Variants in CSMD1 observed in about 807,000 individuals in gnomAD.
CSMD1 encodes CUB and sushi domain-containing protein 1.
In CSMD1, 213 loss-of-function variants were observed where a neutral mutation model predicts 417.5. That is an observed-to-expected ratio of 0.51 (90% CI 0.46 to 0.57). The LOEUF (loss-of-function observed/expected upper bound fraction) is 0.57, where lower values mean the gene tolerates loss of function less well. Among genes scored for constraint, CSMD1 ranks in the 20% least tolerant of loss-of-function variants. The probability of loss-of-function intolerance (pLI) is 0.00; values close to 1 mark genes in which losing one functional copy is unlikely to be tolerated. For synonymous variants in CSMD1, 2,862 were observed against 1,736.8 expected (o/e 1.65, Z -16.11); for missense variants, 6,923 against 4,529.7 (o/e 1.53, Z -15.17).
intron 7 of CSMD1, among the ~76,000 whole-genome samples, chr8:3,626,856 G>T (rs917406183): frequency 1.3e-5 from 2 of 148,862 alleles, no homozygotes; most frequent in Admixed American, 6.7e-5. Context: ...ATAAATAAGT[G>T]TATTTACATA....
At chr8:4,063,654 C>T (rs1382936847) in intron 3 of CSMD1, among the ~76,000 whole-genome samples, 4 of 152,186 alleles carry the variant, frequency 2.6e-5, no homozygotes, top group Non-Finnish European at 5.9e-5. Flanking sequence ...GTGCTGCCTC[C>T]CTGAGGGGCA....
chr8:3,293,143 T>G (rs1460664798), intron 25 of CSMD1, among the ~76,000 whole-genome samples: 1 of 109,126 alleles, frequency 9.2e-6, no homozygotes, highest in Non-Finnish European at 2.4e-5. Flanking sequence ...TTAAGAATGT[T>G]GAATATTGCC....
intron 3 of CSMD1, among the ~76,000 whole-genome samples, chr8:4,173,039 G>T (rs925602910): frequency 1.3e-5 from 2 of 152,106 alleles, no homozygotes; most frequent in African/African-American, 2.4e-5. Flanking sequence ...CCCTAATATT[G>T]CAAGAAATTT....
At chr8:3,809,079 C>A (rs1365436903) in intron 5 of CSMD1, among the ~76,000 whole-genome samples, 1 of 152,154 alleles carries the variant, frequency 6.6e-6, no homozygotes, top group African/African-American at 2.4e-5. Flanking sequence ...CACGCAGCTT[C>A]TATCATATAT....
intron 6 of CSMD1, among the ~76,000 whole-genome samples, chr8:3,734,383 G>A (rs1288682015): frequency 1.3e-5 from 2 of 152,178 alleles, no homozygotes; most frequent in African/African-American, 4.8e-5. Context: ...ATTTGCTTCT[G>A]CCTGGAAGCA....
chr8:3,772,448 C>T lies in CSMD1; in HGVS notation c.819-18406G>A, dbSNP rs1298336440. Among the ~76,000 whole-genome samples, 325 of 83,390 alleles carry T rather than the reference C, an allele frequency of 3.9e-3. 52 individuals carry two copies. The highest frequency in any genetic ancestry group is 4.5e-3 in the Non-Finnish European group (207 of 46,150). 54.7% of individuals were successfully genotyped at this position (83,390 alleles called of 152,430 possible). ...ACATATATACATACATTTATATATA[C>T]ACATATATATACATATATACACATA... On this transcript the variant is annotated intron_variant, in intron 5 of 69. Coordinates refer to ENST00000635120, the MANE Select transcript of CSMD1 (RefSeq NM_033225.6).
intron 5 of CSMD1, among the ~76,000 whole-genome samples, chr8:3,773,624 G>A (rs977069829): frequency 1.3e-5 from 2 of 152,098 alleles, no homozygotes; most frequent in Non-Finnish European, 2.9e-5. Flanking sequence ...TAAGTCCAGT[G>A]TAAACTATTT....
chr8:3,144,795 G>C (rs1396138239), intron 40 of CSMD1, among the ~76,000 whole-genome samples: 4 of 89,636 alleles, frequency 4.5e-5, no homozygotes, highest in African/African-American at 2.4e-4. Context: ...GAGGCAACAA[G>C]GGGGGGGGGG....
At chr8:3,192,771 CT>C (rs1796499105) in intron 33 of CSMD1, among the ~76,000 whole-genome samples, 1 of 151,924 alleles carries the variant, frequency 6.6e-6, no homozygotes, top group Non-Finnish European at 1.5e-5. Flanking sequence ...GAAATTTTTC[CT>C]TTGTGGAGTC....
intron 5 of CSMD1, among the ~76,000 whole-genome samples, chr8:3,876,709 A>C (rs1805849047): frequency 6.6e-6 from 1 of 152,180 alleles, no homozygotes; most frequent in African/African-American, 2.4e-5. Context: ...TCCCAGGCTC[A>C]AGCAATCCTC....
At chr8:4,179,480 A>G (rs1798235554) in intron 3 of CSMD1, among the ~76,000 whole-genome samples, 1 of 151,452 alleles carries the variant, frequency 6.6e-6, no homozygotes, top group Non-Finnish European at 1.5e-5. Flanking sequence ...AAACCCTAGA[A>G]GAAAACCTAG....
chr8:3,617,989 C>A (rs1802227640), intron 7 of CSMD1, among the ~76,000 whole-genome samples: 1 of 152,034 alleles, frequency 6.6e-6, no homozygotes, highest in Non-Finnish European at 1.5e-5. Context: ...CAACAGTAAT[C>A]ATATCAAGTT....
Position 4,297,879 on chromosome 8 carries a change from A to C in CSMD1, c.415+122074T>G, listed in dbSNP as rs1797771439. 2.0e-5 allele frequency among the ~76,000 whole-genome samples: 3 copies of C among 152,194 alleles called. No individual in the cohort carries two copies. The South Asian group carries it at 6.2e-4, about 32-fold the overall frequency. ...GGTGGTCCTGCACTTTAAAACAAGA[A>C]AATTTATCGAATGTTTTAAAAGTAT... is the stretch of plus-strand genomic sequence containing the variant. On this transcript the variant is annotated intron_variant, in intron 3 of 69. Transcript: ENST00000635120.
At chr8:4,456,895 T>A (rs921510587) in intron 2 of CSMD1, among the ~76,000 whole-genome samples, 1 of 151,542 alleles carries the variant, frequency 6.6e-6, no homozygotes, top group African/African-American at 2.4e-5. Flanking sequence ...CACACCCGTA[T>A]TTGAAGCCAG....
At chr8:3,783,885 G>C (rs145442448) in intron 5 of CSMD1, among the ~76,000 whole-genome samples, 1 of 147,702 alleles carries the variant, frequency 6.8e-6, no homozygotes, top group Non-Finnish European at 1.5e-5. Flanking sequence ...AACTAGACTC[G>C]GCCATGGTTG....
chr8:3,437,993 A>C lies in CSMD1; in HGVS notation c.1562-28388T>G, dbSNP rs373472456. On this transcript the variant is annotated intron_variant, in intron 12 of 69. Transcript: ENST00000635120. ...TGACCTCAGATGATCCGCTCACCTC[A>C]GCCTCCCAAAGTACTGATACCTATT... is the stretch of plus-strand genomic sequence containing the variant. Among the ~76,000 whole-genome samples, 8 of 152,234 alleles carry C rather than the reference A, an allele frequency of 5.3e-5. No individual in the cohort carries two copies. The East Asian group carries it at 1.6e-3, about 30-fold the overall frequency.
At chr8:4,698,107 C>A (rs1010723387) in intron 1 of CSMD1, among the ~76,000 whole-genome samples, 1 of 148,800 alleles carries the variant, frequency 6.7e-6, no homozygotes. Flanking sequence ...ATTCCCAAAT[C>A]TGTGAACACT....
intron 1 of CSMD1, among the ~76,000 whole-genome samples, chr8:4,979,840 A>G (rs1388021591): frequency 1.3e-5 from 2 of 152,136 alleles, no homozygotes; most frequent in East Asian, 1.9e-4. Flanking sequence ...GATCTAGATC[A>G]TCCTGGCTAA....
chr8:3,724,088 G>A (rs1406210834), intron 6 of CSMD1, among the ~76,000 whole-genome samples: 2 of 53,226 alleles, frequency 3.8e-5, no homozygotes, highest in Non-Finnish European at 9.2e-5. Flanking sequence ...GAATAACAGA[G>A]CACAGCACAT....
Sources: gnomAD v4.1 joint callset for allele counts (sites outside exome capture counted in the v4.1 genomes callset) on GRCh38, gnomAD v4.1.1 for gene constraint, MANE v1.5 for transcripts, NCBI Gene and HGNC (gene_info 2026-07-23, HGNC 2026-07-21) for gene names.